CCNT2: variants seen among roughly 807,000 people sequenced by gnomAD.
The protein encoded by CCNT2 is cyclin T2.
Under a neutral mutation model 70.0 loss-of-function variants are expected in CCNT2, and 18 were observed. That is an observed-to-expected ratio of 0.26 (90% CI 0.18 to 0.38). The LOEUF is 0.38. Ranked by LOEUF, CCNT2 falls within the 10% of genes least tolerant of loss-of-function variation. The pLI is 1.00. For missense variants in CCNT2, 734 were observed against 890.2 expected, an observed-to-expected ratio of 0.82 and a Z score of 2.23; for synonymous variants, 334 against 313.3, an observed-to-expected ratio of 1.07 and a Z score of -0.70.
At chr2:134,944,004 T>C in intron 5 of CCNT2, 1 of 980,332 alleles carries the variant, frequency 1.0e-6, no homozygotes, top group Non-Finnish European at 1.2e-6. Context: ...ATTATGTTAG[T>C]GGCTACAATT....
At chr2:134,927,729 T>C (rs1680398925) in intron 2 of CCNT2, among the ~76,000 whole-genome samples, 1 of 152,208 alleles carries the variant, frequency 6.6e-6, no homozygotes. Context: ...TCCAATTAGA[T>C]AACTGCATTT....
rs1682779491 is a variant in CCNT2, at chr2:134,954,404, C to T, written c.1949C>T (p.Ser650Phe). ...GGTAGTTCATCTAGTTCTTCCTCCT[C>T]TGTTAAGCAGTATATATCCTCTCAC... Reference protein sequence around the residue: ...SSGSSSSSSSSVKQYISSHNS... With the variant: ...SSGSSSSSSSFVKQYISSHNS... The change falls in exon 9 of 9, where the codon TCT becomes TTT. Residue 650 changes from serine (S) to phenylalanine (F), a missense_variant. Coordinates refer to ENST00000264157, the MANE Select transcript of CCNT2 (RefSeq NM_058241.3). The T allele has an allele frequency of 6.2e-7, 1 of 1,614,072 alleles. No individual in the cohort carries two copies. The highest frequency in any genetic ancestry group is 8.5e-7 in the Non-Finnish European group (1 of 1,179,934).
intron 6 of CCNT2, among the ~76,000 whole-genome samples, 175 bp from the exon 7 acceptor site, chr2:134,947,561 A>AT (rs34311224): frequency 6.6e-6 from 1 of 152,150 alleles, no homozygotes; most frequent in Non-Finnish European, 1.5e-5. Flanking sequence ...TTTTATGTAG[A>AT]TTTTTTAGTA....
intron 6 of CCNT2, among the ~76,000 whole-genome samples, chr2:134,947,482 T>G (rs1192953332): frequency 2.6e-5 from 4 of 152,168 alleles, no homozygotes; most frequent in South Asian, 2.1e-4. Context: ...CAATTTTAGA[T>G]GTAAAAACAA....
In CCNT2 at chr2:134,953,877, C is replaced by G. The variant is rs1306210235; in HGVS notation, c.1422C>G (p.Ser474Arg). 2.5e-6 allele frequency: 4 copies of G among 1,613,914 alleles called. No homozygotes were observed. Among genetic ancestry groups the G allele is most frequent in the Non-Finnish European group, 3.4e-6 (4 of 1,180,016 alleles). The change falls in exon 9 of 9, where the codon AGC becomes AGG. Residue 474 changes from serine (S) to arginine (R), a missense_variant. This residue lies in a region of CCNT2 where 532 missense variants were observed against 556.9 expected (regional missense o/e 0.96). Coordinates refer to ENST00000264157, the MANE Select transcript of CCNT2 (RefSeq NM_058241.3). ...AACAAGGGCAGTCACAGGCAGCCAGCAGCAGTTCTGTTACTTCTCCCATTA... is the reference window on the plus strand; with the variant it reads ...AACAAGGGCAGTCACAGGCAGCCAGGAGCAGTTCTGTTACTTCTCCCATTA... ...QHKQGQSQAA[S>R]SSSVTSPIKM... is the part of the protein sequence containing the mutation.
At position 134,954,687 on chromosome 2, in the gene CCNT2, T is replaced by G. The variant is rs1268331114; in HGVS notation, c.*39T>G. 2 of 1,375,116 alleles carry G rather than the reference T, an allele frequency of 1.5e-6. No homozygotes were observed. Among genetic ancestry groups the G allele is most frequent in the African/African-American group, 2.9e-5 (2 of 69,732 alleles). 85.2% of individuals were successfully genotyped at this position (1,375,116 alleles called of 1,614,324 possible). On this transcript the variant is annotated 3_prime_UTR_variant, in exon 9 of 9. Coordinates refer to ENST00000264157, the MANE Select transcript of CCNT2 (RefSeq NM_058241.3). ...TCAATTTTTCCTTTACTTTTTTAAT[T>G]TAAAAATTGTTAGAATGGAAAAATT...
chr2:134,958,105 A>G lies in CCNT2; in HGVS notation c.*3457A>G, dbSNP rs1163489637. On this transcript the variant is annotated 3_prime_UTR_variant, in exon 9 of 9. Coordinates refer to ENST00000264157, the MANE Select transcript of CCNT2 (RefSeq NM_058241.3). ...CAACCTTAGAAATAAACCACTGCTT[A>G]TATCTGCATGAATATTATGCATTTC... 1 of 152,226 alleles carries G rather than the reference A, an allele frequency of 6.6e-6. No individual in the cohort carries two copies. The highest frequency in any genetic ancestry group is 1.5e-5 in the Non-Finnish European group (1 of 68,036). The allele number at this position is 152,226 out of a possible 1,614,324, so 9.4% of individuals were successfully genotyped here.
Position 134,954,261 on chromosome 2 carries a change from T to G in CCNT2, c.1806T>G (p.Pro602=). 1 of 1,614,174 alleles carries G rather than the reference T, an allele frequency of 6.2e-7. No homozygotes were observed. Among genetic ancestry groups the G allele is most frequent in the South Asian group, 1.1e-5 (1 of 91,082 alleles). The change falls in exon 9 of 9, where the codon CCT becomes CCG. Residue 602 remains proline (P), a synonymous_variant. Transcript: ENST00000264157. The stretch of plus-strand genomic sequence containing the variant: ...TACCACCCACTGTTCTGAGGAGTCC[T>G]GTTGGCCTGAGCAGTGATGGCATTT... ...DGIPPTVLRS[P]VGLSSDGISS...
At chr2:134,933,092 A>C (rs1173672144) in intron 2 of CCNT2, among the ~76,000 whole-genome samples, 1 of 152,208 alleles carries the variant, frequency 6.6e-6, no homozygotes, top group Admixed American at 6.5e-5. Flanking sequence ...ATAGAACCTA[A>C]AGATGAAACA....
At chr2:134,922,380 T>C (rs532185677) in intron 2 of CCNT2, among the ~76,000 whole-genome samples, 2 of 152,296 alleles carry the variant, frequency 1.3e-5, no homozygotes, top group African/African-American at 4.8e-5. Context: ...CATTGACATA[T>C]TAAAAGTTTT....
chr2:134,930,439 T>G (rs1348375699), intron 2 of CCNT2, among the ~76,000 whole-genome samples: 2 of 152,346 alleles, frequency 1.3e-5, no homozygotes, highest in African/African-American at 4.8e-5. Context: ...CTGGCTATTA[T>G]GAATAATGCT....
At chr2:134,934,510 A>C (rs1264367689) in intron 2 of CCNT2, among the ~76,000 whole-genome samples, 3 of 152,262 alleles carry the variant, frequency 2.0e-5, no homozygotes, top group Non-Finnish European at 4.4e-5. Flanking sequence ...ATCACCTTCC[A>C]TACAAAAAGC....
Position 134,945,545 on chromosome 2 carries a change from G to A in CCNT2, c.494-556G>A, listed in dbSNP as rs989717318. 6 of 985,304 alleles carry A rather than the reference G, an allele frequency of 6.1e-6. No homozygotes were observed. In the African/African-American group the frequency reaches 8.7e-5, roughly 14 times the overall value. 61.0% of individuals were successfully genotyped at this position (985,304 alleles called of 1,614,324 possible). ...GAACTAAAATACAGTGGAGCCTCCT[G>A]TATCTGTACCCGTATGCTGTTTCTA... On this transcript the variant is annotated intron_variant, in intron 5 of 8. Transcript: ENST00000264157.
intron 1 of CCNT2, 89 bp from the exon 2 acceptor site, chr2:134,919,721 T>C: frequency 9.9e-7 from 1 of 1,012,254 alleles, no homozygotes; most frequent in Non-Finnish European, 1.5e-6. Context: ...ATGGGAGGTA[T>C]TGGAAAAGAA....
chr2:134,928,613 G>A (rs1314529772), intron 2 of CCNT2, among the ~76,000 whole-genome samples: 1 of 152,032 alleles, frequency 6.6e-6, no homozygotes, highest in African/African-American at 2.4e-5. Flanking sequence ...GTGGGCTATA[G>A]TCATTTGTAT....
chr2:134,957,277 TAAAC>T lies in CCNT2; in HGVS notation c.*2630_*2633del, dbSNP rs1264499349. The stretch of plus-strand genomic sequence containing the variant: ...TGTGACTCTTGTAAGTAGCCATAAA[TAAAC>T]CAAAATAGTATCAAATTTAGGTATG... On this transcript the variant is annotated 3_prime_UTR_variant, in exon 9 of 9. Transcript: ENST00000264157. The T allele has an allele frequency of 2.0e-5, 3 of 152,170 alleles. No homozygotes were observed. 9.4% of individuals were successfully genotyped at this position (152,170 alleles called of 1,614,324 possible).
intron 2 of CCNT2, among the ~76,000 whole-genome samples, chr2:134,927,882 T>C (rs1299810038): frequency 6.6e-6 from 1 of 152,220 alleles, no homozygotes; most frequent in East Asian, 1.9e-4. Context: ...AAGGCTCTGA[T>C]TGTTAGTGAC....
At position 134,943,070 on chromosome 2, in the gene CCNT2, T is replaced by C. The variant is rs143288288; in HGVS notation, c.493+396T>C. 3.0e-3 allele frequency: 3,001 copies of C among 985,404 alleles called. 16 individuals carry two copies. The highest frequency in any genetic ancestry group is 0.023 in the South Asian group (497 of 21,284). The allele number at this position is 985,404 out of a possible 1,614,324, so 61.0% of individuals were successfully genotyped here. ...AAAAGTGATAACAGTTGAAGAATTT[T>C]GAGGCCAACCTCAGACCTTTCAGAT... On this transcript the variant is annotated intron_variant, in intron 5 of 8. Transcript: ENST00000264157.
At chr2:134,943,277 T>A in intron 5 of CCNT2, 3 of 356,470 alleles carry the variant, frequency 8.4e-6, no homozygotes, top group Non-Finnish European at 1.2e-5. Flanking sequence ...GGTACACGCA[T>A]GTAGTCTCAA....
Sources: allele counts gnomAD v4.1 joint callset (sites outside exome capture counted in the v4.1 genomes callset), GRCh38; gene constraint gnomAD v4.1.1; regional missense constraint gnomAD v4.1.1; transcripts MANE v1.5; gene names NCBI Gene and HGNC (gene_info 2026-07-23, HGNC 2026-07-21).